The following GPC5 variants were observed in gnomAD, a reference collection of about 807,000 sequenced individuals.
The protein encoded by GPC5 is glypican 5.
A neutral mutation model predicts 53.9 loss-of-function variants in GPC5; 47 were observed. That is an observed-to-expected ratio of 0.87 (90% CI 0.69 to 1.11). The LOEUF (loss-of-function observed/expected upper bound fraction) is 1.11. GPC5 is among the 50% of genes most tolerant of loss of function. GPC5 has a pLI of 0.00. For missense variants in GPC5, 748 were observed against 713.1 expected (o/e 1.05, Z -0.56); for synonymous variants, 286 against 263.3 (o/e 1.09, Z -0.84).
intron 5 of GPC5, among the ~76,000 whole-genome samples, chr13:91,848,006 T>C (rs2038871462): frequency 6.6e-6 from 1 of 152,246 alleles, no homozygotes; most frequent in Admixed American, 6.5e-5. Context: ...GGCTCTTGGC[T>C]GTTATTATGT....
chr13:91,835,725 G>A (rs1302166811), intron 5 of GPC5, among the ~76,000 whole-genome samples: 6 of 151,770 alleles, frequency 4.0e-5, no homozygotes, highest in Non-Finnish European at 8.8e-5. Context: ...CATACATCAG[G>A]GCCTGTCGGG....
At chr13:92,179,754 G>A (rs1349198149) in intron 7 of GPC5, among the ~76,000 whole-genome samples, 2 of 152,096 alleles carry the variant, frequency 1.3e-5, no homozygotes, top group Non-Finnish European at 2.9e-5. Context: ...AAACTTTGAT[G>A]ATTTATATGA....
intron 7 of GPC5, among the ~76,000 whole-genome samples, chr13:92,145,429 T>C (rs1426013508): frequency 2.0e-5 from 3 of 152,114 alleles, no homozygotes; most frequent in African/African-American, 7.2e-5. Context: ...AATTGGTATA[T>C]GGTTATTGAT....
chr13:92,676,576 A>T (rs1269178482), intron 7 of GPC5, among the ~76,000 whole-genome samples: 2 of 152,192 alleles, frequency 1.3e-5, no homozygotes, highest in Non-Finnish European at 2.9e-5. Context: ...CCTCAGGTTC[A>T]GTCACAGTTC....
intron 5 of GPC5, among the ~76,000 whole-genome samples, chr13:91,902,836 T>C (rs1199494903): frequency 1.3e-5 from 2 of 152,046 alleles, no homozygotes; most frequent in African/African-American, 4.8e-5. Flanking sequence ...AGTACTCACT[T>C]AATGACGACA....
intron 5 of GPC5, among the ~76,000 whole-genome samples, chr13:91,777,430 G>T (rs1166170257): frequency 6.6e-6 from 1 of 152,118 alleles, no homozygotes; most frequent in African/African-American, 2.4e-5. Flanking sequence ...ATATGGGTTG[G>T]TTAGAGCTAT....
At chr13:92,007,241 T>C (rs2040615455) in intron 6 of GPC5, among the ~76,000 whole-genome samples, 1 of 152,324 alleles carries the variant, frequency 6.6e-6, no homozygotes, top group East Asian at 1.9e-4. Flanking sequence ...TAAAAGGCAA[T>C]AATCATTTGA....
intron 6 of GPC5, among the ~76,000 whole-genome samples, chr13:92,114,238 C>A (rs1377387081): frequency 6.6e-6 from 1 of 152,166 alleles, no homozygotes; most frequent in East Asian, 1.9e-4. Context: ...CATGGCAGGG[C>A]CTCATTTCCC....
intron 2 of GPC5, among the ~76,000 whole-genome samples, chr13:91,518,584 GCT>G (rs1243087817): frequency 3.3e-5 from 5 of 151,972 alleles, no homozygotes; most frequent in African/African-American, 1.2e-4. Context: ...ATGGAGTCTC[GCT>G]CTGTCGCCCA....
At chr13:92,461,399 C>T (rs1029294905) in intron 7 of GPC5, among the ~76,000 whole-genome samples, 1 of 152,072 alleles carries the variant, frequency 6.6e-6, no homozygotes, top group Non-Finnish European at 1.5e-5. Flanking sequence ...AAATACTTAA[C>T]CTATGTAGTG....
intron 5 of GPC5, among the ~76,000 whole-genome samples, chr13:91,757,242 G>A (rs2037315179): frequency 1.3e-5 from 2 of 151,900 alleles, no homozygotes. Context: ...TTTGTGTTTG[G>A]ATCTGAATCT....
At chr13:92,550,653 A>T (rs1008181025) in intron 7 of GPC5, among the ~76,000 whole-genome samples, 14 of 151,904 alleles carry the variant, frequency 9.2e-5, no homozygotes, top group African/African-American at 3.1e-4. Context: ...ACTCATGTTT[A>T]GGTATACATG....
At chr13:92,649,711 G>A (rs186290445) in intron 7 of GPC5, among the ~76,000 whole-genome samples, 3 of 152,134 alleles carry the variant, frequency 2.0e-5, no homozygotes, top group Non-Finnish European at 2.9e-5. Context: ...CTGTAATTTT[G>A]TAAAACAAAC....
chr13:92,084,481 T>C (rs2041321009), intron 6 of GPC5, among the ~76,000 whole-genome samples: 1 of 152,220 alleles, frequency 6.6e-6, no homozygotes, highest in East Asian at 1.9e-4. Flanking sequence ...TGGCCCTACC[T>C]GGCCATGTTT....
intron 2 of GPC5, among the ~76,000 whole-genome samples, chr13:91,617,014 A>G (rs906184695): frequency 1.6e-4 from 24 of 152,172 alleles, no homozygotes; most frequent in African/African-American, 5.8e-4. Flanking sequence ...TTAAAAAAAC[A>G]AGACAGTCAA....
At chr13:92,857,074 T>C (rs1879024455) in intron 7 of GPC5, among the ~76,000 whole-genome samples, 1 of 151,876 alleles carries the variant, frequency 6.6e-6, no homozygotes, top group Admixed American at 6.6e-5. Flanking sequence ...AGCTTCAAAG[T>C]ATACAAGGCT....
At chr13:92,767,446 G>A (rs957550300) in intron 7 of GPC5, among the ~76,000 whole-genome samples, 2 of 152,126 alleles carry the variant, frequency 1.3e-5, no homozygotes, top group African/African-American at 4.8e-5. Context: ...ACTTCAGCCT[G>A]GGCGACATAG....
rs183256686 is a variant in GPC5 at position 91,615,429 on chromosome 13, A to T, written c.326-77758A>T. Among the ~76,000 whole-genome samples the T allele has an allele frequency of 3.3e-5, 5 of 152,294 alleles. No homozygotes were observed. The South Asian group carries it at 1.0e-3, about 32-fold the overall frequency. Reference sequence around the variant, plus strand: ...TCATATTCTATTGACAAGAAAAAAAATCACCTTTTGCCACACCTAGTTTCA... The same window carrying T: ...TCATATTCTATTGACAAGAAAAAAATTCACCTTTTGCCACACCTAGTTTCA... On this transcript the variant is annotated intron_variant, in intron 2 of 7. Transcript: ENST00000377067.
chr13:91,909,098 C>T (rs1021342149), intron 6 of GPC5, among the ~76,000 whole-genome samples: 9 of 152,110 alleles, frequency 5.9e-5, no homozygotes, highest in African/African-American at 1.7e-4. Flanking sequence ...CTCCCTTCTG[C>T]GAGGCAACAA....
Sources: gnomAD v4.1 joint callset for allele counts (sites outside exome capture counted in the v4.1 genomes callset) on GRCh38, gnomAD v4.1.1 for gene constraint, MANE v1.5 for transcripts, NCBI Gene and HGNC (gene_info 2026-07-23, HGNC 2026-07-21) for gene names.